The following SSPN variants were observed in gnomAD, a reference collection of about 807,000 sequenced individuals.
SSPN encodes the protein sarcospan.
In SSPN, 15 loss-of-function variants were observed where a neutral mutation model predicts 19.1. The ratio of observed to expected loss-of-function variants is 0.78; its 90% CI spans 0.52 to 1.21. The LOEUF is 1.21. SSPN is among the 50% of genes most tolerant of loss of function. The pLI, the probability that SSPN is intolerant of heterozygous loss-of-function variation, is 0.00. For synonymous variants in SSPN, 147 were observed against 140.3 expected, an observed-to-expected ratio of 1.05 and a Z score of -0.34; for missense variants, 291 against 314.0, an observed-to-expected ratio of 0.93 and a Z score of 0.55.
Position 26,229,951 on chromosome 12 carries a change from C to T in SSPN, c.367-760C>T, listed in dbSNP as rs74318514. On this transcript the variant is annotated intron_variant, in intron 2 of 2. Coordinates refer to ENST00000242729, the MANE Select transcript of SSPN (RefSeq NM_005086.5). ...TTCCCACAGCCCTGTAGCAGCAGAG[C>T]GAGAACTTTAACCAGACTTTTTCAA... 1.8e-3 allele frequency among the ~76,000 whole-genome samples: 268 copies of T among 152,278 alleles called. 1 individual carries two copies. Among genetic ancestry groups the T allele is most frequent in the African/African-American group, 6.1e-3 (252 of 41,550 alleles).
At chr12:26,171,621 C>T (rs879189961) in intron 1 of SSPN, among the ~76,000 whole-genome samples, 1 of 99,190 alleles carries the variant, frequency 1.0e-5, no homozygotes, top group Non-Finnish European at 1.9e-5. Flanking sequence ...CCCTGTTTTC[C>T]CTATTTTTTT....
chr12:26,184,607 C>T (rs1244988035), intron 1 of SSPN, among the ~76,000 whole-genome samples: 1 of 152,124 alleles, frequency 6.6e-6, no homozygotes, highest in African/African-American at 2.4e-5. Context: ...TCAACTGACA[C>T]TTTGAAAATT....
intron 1 of SSPN, among the ~76,000 whole-genome samples, chr12:26,201,912 T>C (rs891483966): frequency 4.6e-5 from 7 of 152,208 alleles, no homozygotes; most frequent in African/African-American, 1.7e-4. Context: ...TCAGAGCTTC[T>C]GTTTGAACAT....
intron 1 of SSPN, among the ~76,000 whole-genome samples, chr12:26,213,271 A>T (rs1334824019): frequency 6.9e-5 from 6 of 87,046 alleles, no homozygotes; most frequent in Non-Finnish European, 1.0e-4. Context: ...AACAGAAATA[A>T]AAAGAGTCAG....
In SSPN at chr12:26,163,032, CGT is replaced by C. The variant is rs138827156; in HGVS notation, c.-31+40907_-31+40908del. On this transcript the variant is annotated intron_variant, in intron 1 of 2. Coordinates refer to the SSPN transcript ENST00000538142. ...GCTTCAAGACGTGTGTGCTTCAAGACGTGTGTGTGTGTGTGTGTGTGTGTGTG... is the reference window on the plus strand; with the variant it reads ...GCTTCAAGACGTGTGTGCTTCAAGACGTGTGTGTGTGTGTGTGTGTGTGTG... Among the ~76,000 whole-genome samples, 800 of 145,960 alleles carry C rather than the reference CGT, an allele frequency of 5.5e-3. 5 individuals are homozygous for C. The highest frequency in any genetic ancestry group is 7.2e-3 in the Non-Finnish European group (483 of 66,808).
intron 1 of SSPN, among the ~76,000 whole-genome samples, chr12:26,204,526 G>GTA (rs77794383): frequency 6.6e-6 from 1 of 151,848 alleles, no homozygotes; most frequent in Non-Finnish European, 1.5e-5. Flanking sequence ...CTGATGCAAA[G>GTA]GTGGCTGGCT....
intron 1 of SSPN, among the ~76,000 whole-genome samples, chr12:26,182,224 G>C (rs1180221702): frequency 1.3e-5 from 2 of 152,184 alleles, no homozygotes; most frequent in African/African-American, 4.8e-5. Context: ...CATTCAGTCA[G>C]TCACTCAGTC....
At chr12:26,142,531 G>T (rs1452312875) in intron 1 of SSPN, among the ~76,000 whole-genome samples, 1 of 152,176 alleles carries the variant, frequency 6.6e-6, no homozygotes, top group African/African-American at 2.4e-5. Context: ...TAAGGAATAT[G>T]GGAGGAGGAT....
At chr12:26,197,033 A>T (rs961566443) in intron 1 of SSPN, among the ~76,000 whole-genome samples, 2 of 152,224 alleles carry the variant, frequency 1.3e-5, no homozygotes, top group South Asian at 4.1e-4. Context: ...TTCCTTTTGG[A>T]TGTGAGGAAA....
At chr12:26,122,011 A>G (rs986072517) in exon 1 of SSPN, 2 of 1,545,422 alleles carry the variant, frequency 1.3e-6, no homozygotes, top group Admixed American at 3.9e-5. Context: ...AACCTCCTTA[A>G]GGGTATTTTA....
intron 1 of SSPN, among the ~76,000 whole-genome samples, chr12:26,162,367 C>T (rs1415606325): frequency 6.6e-6 from 1 of 152,210 alleles, no homozygotes; most frequent in African/African-American, 2.4e-5. Context: ...AAGTTCCAAA[C>T]TTTCTGACAC....
chr12:26,162,125 A>C (rs1292176303), intron 1 of SSPN, among the ~76,000 whole-genome samples: 1 of 152,218 alleles, frequency 6.6e-6, no homozygotes, highest in Non-Finnish European at 1.5e-5. Context: ...TCTGTGAAAC[A>C]TATCACTGGC....
At chr12:26,142,626 C>T (rs1418226359) in intron 1 of SSPN, among the ~76,000 whole-genome samples, 1 of 152,144 alleles carries the variant, frequency 6.6e-6, no homozygotes, top group Non-Finnish European at 1.5e-5. Flanking sequence ...AAGTCTGAAT[C>T]TTGGGAAAGA....
chr12:26,174,507 T>TCCTTCCTTCCTTCCTTC (rs1555177715), intron 1 of SSPN, among the ~76,000 whole-genome samples: 13,144 of 114,730 alleles, frequency 0.11, 1,096 homozygotes, highest in East Asian at 0.27. Context: ...TTCCTTCCCT[T>TCCTTCCTTCCTTCCTTC]CCTTCCTTCC....
chr12:26,218,828 T>C (rs1247015656), intron 1 of SSPN, among the ~76,000 whole-genome samples: 1 of 152,224 alleles, frequency 6.6e-6, no homozygotes, highest in African/African-American at 2.4e-5. Flanking sequence ...TATTTATCAT[T>C]TGTTGAAAAT....
intron 1 of SSPN, among the ~76,000 whole-genome samples, chr12:26,198,282 G>A (rs1439551103): frequency 1.3e-5 from 2 of 152,186 alleles, no homozygotes; most frequent in African/African-American, 4.8e-5. Flanking sequence ...TCGTGCCTCA[G>A]CCTCCTAAGT....
At chr12:26,145,224 A>T (rs1944483051) in intron 1 of SSPN, among the ~76,000 whole-genome samples, 1 of 152,180 alleles carries the variant, frequency 6.6e-6, no homozygotes, top group Admixed American at 6.5e-5. Context: ...ACTTAACTGA[A>T]GTCAGGGATG....
chr12:26,226,780 G>A (rs765933577), intron 2 of SSPN, among the ~76,000 whole-genome samples: 13 of 152,160 alleles, frequency 8.5e-5, no homozygotes, highest in Non-Finnish European at 1.9e-4. Flanking sequence ...CATCCAGGAG[G>A]CCCCTGGGCT....
At chr12:26,204,937 C>T (rs1452563917) in intron 1 of SSPN, among the ~76,000 whole-genome samples, 1 of 152,224 alleles carries the variant, frequency 6.6e-6, no homozygotes, top group Non-Finnish European at 1.5e-5. Context: ...GATTTTTGAG[C>T]ATATTTAAAG....
Sources: gnomAD v4.1 joint callset for allele counts (sites outside exome capture counted in the v4.1 genomes callset) on GRCh38, gnomAD v4.1.1 for gene constraint, MANE v1.5 for transcripts, NCBI Gene and HGNC (gene_info 2026-07-23, HGNC 2026-07-21) for gene names.